Variants in KLHDC1 observed in about 807,000 individuals in gnomAD.
The protein encoded by KLHDC1 is kelch domain-containing protein 1.
A neutral mutation model predicts 68.3 loss-of-function variants in KLHDC1; 53 were observed. The observed-to-expected ratio is 0.78, with a 90% CI of 0.62 to 0.98. KLHDC1 has a LOEUF of 0.98. Among genes scored for constraint, KLHDC1 ranks in the 50% least tolerant of loss-of-function variants. KLHDC1 has a pLI of 0.00. For missense variants in KLHDC1, 470 were observed against 492.3 expected (o/e 0.95, Z 0.43); for synonymous variants, 148 against 159.0 (o/e 0.93, Z 0.52).
chr14:49,728,697 AG>A (rs1253337605), intron 6 of KLHDC1, among the ~76,000 whole-genome samples: 1 of 152,234 alleles, frequency 6.6e-6, no homozygotes, highest in East Asian at 1.9e-4. Flanking sequence ...CAGACATATA[AG>A]AAAAACATTT....
At chr14:49,695,806 T>C (rs1433061340) in intron 1 of KLHDC1, among the ~76,000 whole-genome samples, 1 of 152,198 alleles carries the variant, frequency 6.6e-6, no homozygotes, top group Admixed American at 6.5e-5. Flanking sequence ...GGCTCACGCC[T>C]GTAATCCCAG....
intron 10 of KLHDC1, among the ~76,000 whole-genome samples, chr14:49,739,205 G>C (rs1330962133): frequency 2.6e-5 from 4 of 152,198 alleles, no homozygotes; most frequent in African/African-American, 4.8e-5. Context: ...AAGAAACAGA[G>C]TGAACAAAAG....
intron 1 of KLHDC1, among the ~76,000 whole-genome samples, chr14:49,703,246 A>G (rs559510182): frequency 6.6e-6 from 1 of 151,936 alleles, no homozygotes; most frequent in Non-Finnish European, 1.5e-5. Context: ...ACAGGTTACC[A>G]CTATCTTAAA....
At chr14:49,700,047 T>TC in intron 1 of KLHDC1, 2 of 360,452 alleles carry the variant, frequency 5.5e-6, no homozygotes, top group Non-Finnish European at 1.1e-5. Context: ...TTTTTTTTTT[T>TC]AGATGGAGTC....
chr14:49,744,132 AAG>A (rs1052524400), intron 12 of KLHDC1, among the ~76,000 whole-genome samples: 2 of 151,954 alleles, frequency 1.3e-5, no homozygotes, highest in African/African-American at 2.4e-5. Context: ...AAAAAAAAAA[AAG>A]TAGCTGGCAT....
At chr14:49,713,516 A>G (rs973488005) in intron 4 of KLHDC1, among the ~76,000 whole-genome samples, 4 of 152,114 alleles carry the variant, frequency 2.6e-5, no homozygotes, top group South Asian at 2.1e-4. Flanking sequence ...TTTAGAATCA[A>G]TTGAGTCATT....
intron 4 of KLHDC1, among the ~76,000 whole-genome samples, chr14:49,713,273 A>G (rs548387706): frequency 6.6e-6 from 1 of 152,198 alleles, no homozygotes; most frequent in African/African-American, 2.4e-5. Flanking sequence ...CTATTTTTAG[A>G]CATTAGTAGG....
intron 11 of KLHDC1, among the ~76,000 whole-genome samples, 159 bp from the exon 12 acceptor site, chr14:49,743,594 T>C (rs1465138074): frequency 6.6e-6 from 1 of 152,166 alleles, no homozygotes; most frequent in Non-Finnish European, 1.5e-5. Context: ...TGTATGTTTA[T>C]GTGTGTGCAT....
intron 12 of KLHDC1, 79 bp from the exon 13 acceptor site, chr14:49,751,503 AAAAG>A (rs1388703250): frequency 2.9e-6 from 2 of 685,156 alleles, no homozygotes; most frequent in East Asian, 3.2e-5. Flanking sequence ...ACAATGTTAA[AAAAG>A]AAAGAATTCT....
intron 4 of KLHDC1, among the ~76,000 whole-genome samples, chr14:49,718,048 GACTAAGATTTTT>G (rs574983230): frequency 8.6e-4 from 131 of 151,684 alleles, no homozygotes; most frequent in East Asian, 4.9e-3. Context: ...CACCATCCCT[GACTAAGATTTTT>G]ATTATTTGTA....
intron 6 of KLHDC1, among the ~76,000 whole-genome samples, chr14:49,726,429 T>A (rs1888672900): frequency 6.6e-6 from 1 of 151,954 alleles, no homozygotes; most frequent in African/African-American, 2.4e-5. Flanking sequence ...AACAAAAAAA[T>A]GCATATTCTT....
chr14:49,724,384 A>G lies in KLHDC1; in HGVS notation c.483+432A>G, dbSNP rs1288334524. On this transcript the variant is annotated intron_variant, in intron 5 of 12. Coordinates refer to ENST00000359332, the MANE Select transcript of KLHDC1 (RefSeq NM_172193.3). Reference sequence around the variant, plus strand: ...CTAATTTTTCTACTTATTCTTACTGATTAGACAATAAATCATTATTAATGA... The same window carrying G: ...CTAATTTTTCTACTTATTCTTACTGGTTAGACAATAAATCATTATTAATGA... Among the ~76,000 whole-genome samples the G allele has an allele frequency of 7.0e-4, 107 of 152,200 alleles. 1 individual carries two copies. The highest frequency in any genetic ancestry group is 1.5e-4 in the Non-Finnish European group (10 of 68,012).
At chr14:49,746,796 C>T (rs1889208908) in intron 12 of KLHDC1, among the ~76,000 whole-genome samples, 1 of 152,094 alleles carries the variant, frequency 6.6e-6, no homozygotes, top group African/African-American at 2.4e-5. Context: ...TGACCTTGCT[C>T]AGCACAGTTC....
intron 6 of KLHDC1, among the ~76,000 whole-genome samples, chr14:49,726,231 A>G (rs1888668278): frequency 1.3e-5 from 2 of 152,176 alleles, no homozygotes; most frequent in African/African-American, 4.8e-5. Flanking sequence ...AGCATTAAGA[A>G]AAACATCAGA....
chr14:49,700,611 T>C (rs1425947124), intron 1 of KLHDC1, among the ~76,000 whole-genome samples: 2 of 152,132 alleles, frequency 1.3e-5, no homozygotes, highest in Non-Finnish European at 2.9e-5. Flanking sequence ...ATACATATGC[T>C]TAACTACATA....
At chr14:49,731,588 A>G (rs544417077) in intron 8 of KLHDC1, among the ~76,000 whole-genome samples, 13 of 151,520 alleles carry the variant, frequency 8.6e-5, no homozygotes, top group East Asian at 3.9e-4. Context: ...TCCTGCCTCA[A>G]CCTCCCTAGT....
At chr14:49,742,559 G>T (rs1479844129) in intron 11 of KLHDC1, among the ~76,000 whole-genome samples, 1 of 151,840 alleles carries the variant, frequency 6.6e-6, no homozygotes, top group Non-Finnish European at 1.5e-5. Flanking sequence ...TGTAATCCCA[G>T]CTACTCAGGA....
chr14:49,709,973 C>G (rs542490796), intron 3 of KLHDC1, 147 bp downstream of exon 3: 1 of 531,494 alleles, frequency 1.9e-6, no homozygotes, highest in Non-Finnish European at 3.3e-6. Context: ...GTTGAAAATG[C>G]AGCAGTCCTG....
chr14:49,743,664 T>C, intron 11 of KLHDC1, 89 bp from the exon 12 acceptor site: 3 of 792,054 alleles, frequency 3.8e-6, no homozygotes, highest in Non-Finnish European at 6.2e-6. Context: ...TACAATATCT[T>C]TTACATTTAT....
Sources: allele counts gnomAD v4.1 joint callset (sites outside exome capture counted in the v4.1 genomes callset), GRCh38; gene constraint gnomAD v4.1.1; transcripts MANE v1.5; gene names NCBI Gene and HGNC (gene_info 2026-07-23, HGNC 2026-07-21).